Variants in TMEM232 observed in about 807,000 individuals in gnomAD.
TMEM232 encodes transmembrane protein 232.
Under a neutral mutation model 78.8 loss-of-function variants are expected in TMEM232, and 80 were observed. The ratio of observed to expected loss-of-function variants is 1.01; its 90% CI spans 0.85 to 1.22. The LOEUF (loss-of-function observed/expected upper bound fraction) is 1.22, where lower values mean the gene tolerates loss of function less well. Among genes scored for constraint, TMEM232 ranks in the 50% most tolerant of loss-of-function variants. The pLI is 0.00. For missense variants in TMEM232, 881 were observed against 742.2 expected, an observed-to-expected ratio of 1.19 and a Z score of -2.17; for synonymous variants, 297 against 254.3, an observed-to-expected ratio of 1.17 and a Z score of -1.60.
intron 12 of TMEM232, among the ~76,000 whole-genome samples, chr5:110,508,436 C>A (rs1393913944): frequency 6.6e-6 from 1 of 150,992 alleles, no homozygotes; most frequent in Non-Finnish European, 1.5e-5. Context: ...TATACATACA[C>A]ACACATATAT....
intron 12 of TMEM232, among the ~76,000 whole-genome samples, chr5:110,466,813 C>T (rs982740057): frequency 1.3e-5 from 2 of 151,740 alleles, no homozygotes; most frequent in Non-Finnish European, 2.9e-5. Context: ...GACGGGGTTT[C>T]GCTGTATTAG....
At chr5:110,446,456 G>A (rs1001964375) in intron 12 of TMEM232, among the ~76,000 whole-genome samples, 10 of 152,140 alleles carry the variant, frequency 6.6e-5, no homozygotes, top group Non-Finnish European at 5.9e-5. Flanking sequence ...TGAAAGATTG[G>A]AAGAGTTGCC....
chr5:110,644,278 C>T (rs1395392662), intron 2 of TMEM232, among the ~76,000 whole-genome samples: 2 of 151,874 alleles, frequency 1.3e-5, no homozygotes, highest in Non-Finnish European at 2.9e-5. Context: ...ACCTACGCTA[C>T]ATAAAGTGTC....
chr5:110,530,874 A>ATT (rs1771361420), intron 11 of TMEM232, among the ~76,000 whole-genome samples: 2 of 152,236 alleles, frequency 1.3e-5, no homozygotes, highest in Non-Finnish European at 2.9e-5. Context: ...CAAAAAAGAA[A>ATT]TAATAACTAT....
At chr5:110,539,172 A>T (rs1772785071) in intron 11 of TMEM232, among the ~76,000 whole-genome samples, 1 of 152,210 alleles carries the variant, frequency 6.6e-6, no homozygotes, top group African/African-American at 2.4e-5. Flanking sequence ...AGCCTAAAAT[A>T]GCAGTGCCAG....
chr5:110,683,765 T>C (rs1174703994), intron 1 of TMEM232, among the ~76,000 whole-genome samples: 1 of 151,866 alleles, frequency 6.6e-6, no homozygotes, highest in Non-Finnish European at 1.5e-5. Flanking sequence ...TATTGGGAAA[T>C]ATTACCTATT....
At chr5:110,659,128 A>C (rs922464632) in intron 2 of TMEM232, among the ~76,000 whole-genome samples, 1 of 152,136 alleles carries the variant, frequency 6.6e-6, no homozygotes, top group Non-Finnish European at 1.5e-5. Flanking sequence ...GTAGAGATAC[A>C]GGTGTTAGGA....
intron 1 of TMEM232, among the ~76,000 whole-genome samples, chr5:110,702,120 C>T (rs944710755): frequency 1.3e-5 from 2 of 151,868 alleles, no homozygotes; most frequent in African/African-American, 2.4e-5. Flanking sequence ...AGAAGATCAA[C>T]TTAAGCCCAC....
chr5:110,551,797 CAATT>C (rs1774498917), intron 11 of TMEM232, among the ~76,000 whole-genome samples: 1 of 152,098 alleles, frequency 6.6e-6, no homozygotes, highest in African/African-American at 2.4e-5. Flanking sequence ...ATTGGGCTGA[CAATT>C]GATTTCTCAA....
chr5:110,527,676 G>A (rs1292526432), intron 12 of TMEM232, among the ~76,000 whole-genome samples: 2 of 151,784 alleles, frequency 1.3e-5, no homozygotes, highest in African/African-American at 2.4e-5. Context: ...ATCCAGAATG[G>A]CAAAATCAAA....
chr5:110,695,988 G>C (rs1259107880), intron 1 of TMEM232, among the ~76,000 whole-genome samples: 1 of 152,108 alleles, frequency 6.6e-6, no homozygotes, highest in African/African-American at 2.4e-5. Context: ...AAGCCTAGCA[G>C]AGACAAAACA....
chr5:110,556,214 AT>A (rs950867354), intron 11 of TMEM232, among the ~76,000 whole-genome samples: 1 of 152,108 alleles, frequency 6.6e-6, no homozygotes, highest in Non-Finnish European at 1.5e-5. Flanking sequence ...TTGTTTGAAA[AT>A]GATTTTATTT....
At chr5:110,737,783 G>T (rs900369595) in intron 1 of TMEM232, among the ~76,000 whole-genome samples, 1 of 152,008 alleles carries the variant, frequency 6.6e-6, no homozygotes, top group Admixed American at 6.5e-5. Flanking sequence ...TTTTCTGTTT[G>T]TGATTTGCCT....
chr5:110,465,162 G>C (rs535550639), intron 12 of TMEM232, among the ~76,000 whole-genome samples: 5 of 152,226 alleles, frequency 3.3e-5, no homozygotes, highest in Non-Finnish European at 5.9e-5. Flanking sequence ...TGAATATTCA[G>C]ATAGACAAAG....
chr5:110,623,248 C>G (rs1209655812), intron 7 of TMEM232, among the ~76,000 whole-genome samples: 2 of 151,958 alleles, frequency 1.3e-5, no homozygotes, highest in African/African-American at 4.8e-5. Flanking sequence ...TGGCATGTAT[C>G]CTAATGTATC....
At position 110,476,144 on chromosome 5, in the gene TMEM232, GGCT is replaced by G. The variant is rs565486929; in HGVS notation, c.1704-51231_1704-51229del. 5.3e-3 allele frequency among the ~76,000 whole-genome samples: 799 copies of G among 151,608 alleles called. 10 individuals carry two copies. Among genetic ancestry groups the G allele is most frequent in the African/African-American group, 0.019 (775 of 41,346 alleles). On this transcript the variant is annotated intron_variant, in intron 12 of 13. Coordinates refer to ENST00000455884, the MANE Select transcript of TMEM232 (RefSeq NM_001039763.4). ...GGAAATATTACTAGTATATGTTATG[GGCT>G]GCTTTTTGTTCCCCTATAATTAATA...
chr5:110,431,216 A>C (rs961233675), intron 12 of TMEM232, among the ~76,000 whole-genome samples: 1 of 151,612 alleles, frequency 6.6e-6, no homozygotes, highest in Non-Finnish European at 1.5e-5. Context: ...CAAGCAAAGA[A>C]GTCACCAACA....
At chr5:110,493,427 C>A (rs1030186479) in intron 12 of TMEM232, among the ~76,000 whole-genome samples, 15 of 147,236 alleles carry the variant, frequency 1.0e-4, no homozygotes, top group Admixed American at 3.4e-4. Flanking sequence ...TAAAGACTTA[C>A]TATAAAATTG....
At chr5:110,439,956 T>C (rs1392955901) in intron 12 of TMEM232, among the ~76,000 whole-genome samples, 1 of 152,136 alleles carries the variant, frequency 6.6e-6, no homozygotes, top group Non-Finnish European at 1.5e-5. Flanking sequence ...CAGATATTAA[T>C]CTGTGTGGTT....
Sources: allele counts gnomAD v4.1 joint callset (sites outside exome capture counted in the v4.1 genomes callset), GRCh38; gene constraint gnomAD v4.1.1; transcripts MANE v1.5; gene names NCBI Gene and HGNC (gene_info 2026-07-23, HGNC 2026-07-21).